FA2H: variants seen among roughly 807,000 people sequenced by gnomAD.
The protein encoded by FA2H is fatty acid 2-hydroxylase.
FA2H carries 22 observed loss-of-function variants against 44.9 expected under a neutral mutation model. The ratio of observed to expected loss-of-function variants is 0.49; its 90% CI spans 0.35 to 0.70. FA2H has a LOEUF of 0.70. Ranked by LOEUF, FA2H falls within the 30% of genes least tolerant of loss-of-function variation. The pLI, the probability that FA2H is intolerant of heterozygous loss-of-function variation, is 0.01. For synonymous variants in FA2H, 243 were observed against 213.2 expected (o/e 1.14, Z -1.22); for missense variants, 501 against 504.9 (o/e 0.99, Z 0.07).
At chr16:74,743,778 G>A (rs1419060163) in intron 1 of FA2H, among the ~76,000 whole-genome samples, 1 of 152,134 alleles carries the variant, frequency 6.6e-6, no homozygotes, top group Non-Finnish European at 1.5e-5. Context: ...GTGCTTTCCT[G>A]GGTGGCTTCA....
intron 2 of FA2H, among the ~76,000 whole-genome samples, chr16:74,730,235 G>A (rs1334677144): frequency 6.6e-6 from 1 of 152,124 alleles, no homozygotes; most frequent in Non-Finnish European, 1.5e-5. Context: ...CCAGGGTGAA[G>A]GGCCCAAAGG....
chr16:74,745,871 T>C (rs1236399859), intron 1 of FA2H, among the ~76,000 whole-genome samples: 1 of 146,194 alleles, frequency 6.8e-6, no homozygotes, highest in Non-Finnish European at 1.5e-5. Flanking sequence ...AGTGGCACCA[T>C]CTTGTCTCAC....
intron 1 of FA2H, among the ~76,000 whole-genome samples, chr16:74,771,952 CT>C (rs58570521): frequency 0.11 from 16,090 of 141,598 alleles, 998 homozygotes; most frequent in African/African-American, 0.19. Context: ...CCCTGGCTTC[CT>C]TTTTTTTTTT....
chr16:74,745,830 G>C (rs960412063), intron 1 of FA2H, among the ~76,000 whole-genome samples: 1 of 125,740 alleles, frequency 8.0e-6, no homozygotes, highest in Admixed American at 9.5e-5. Context: ...TTTTGAGACA[G>C]AGTCTTGCTC....
At chr16:74,770,566 T>C (rs1332726385) in intron 1 of FA2H, among the ~76,000 whole-genome samples, 4 of 152,270 alleles carry the variant, frequency 2.6e-5, no homozygotes, top group Non-Finnish European at 5.9e-5. Flanking sequence ...AGACGGGGTT[T>C]CACCATGTTG....
intron 1 of FA2H, among the ~76,000 whole-genome samples, chr16:74,753,147 A>T (rs1343008331): frequency 6.6e-6 from 1 of 152,214 alleles, no homozygotes; most frequent in Non-Finnish European, 1.5e-5. Flanking sequence ...GCCACACAGA[A>T]TCCTGCAGGG....
chr16:74,771,390 C>CCA (rs1962903449), intron 1 of FA2H, among the ~76,000 whole-genome samples: 1 of 151,750 alleles, frequency 6.6e-6, no homozygotes, highest in South Asian at 2.1e-4. Context: ...AAGATTTTAC[C>CCA]GTGTTGCCCA....
Position 74,742,407 on chromosome 16 carries a change from A to T in FA2H, c.271-2292T>A, listed in dbSNP as rs1380668345. Among the ~76,000 whole-genome samples, 3 of 152,230 alleles carry T rather than the reference A, an allele frequency of 2.0e-5. No homozygotes were observed. In the East Asian group the frequency reaches 5.8e-4, roughly 29 times the overall value. On this transcript the variant is annotated intron_variant, in intron 1 of 6. Transcript: ENST00000219368. ...GGCTGGATAGGACAGTGCCCAGATA[A>T]AAGGATCAAAACTCCAACAACCTAG... is the stretch of plus-strand genomic sequence containing the variant.
At chr16:74,744,455 T>C (rs1334050265) in intron 1 of FA2H, among the ~76,000 whole-genome samples, 1 of 150,450 alleles carries the variant, frequency 6.6e-6, no homozygotes, top group Non-Finnish European at 1.5e-5. Flanking sequence ...GATGCCTTTT[T>C]TTTTTTTTTT....
chr16:74,763,459 T>C (rs1169883959), intron 1 of FA2H, among the ~76,000 whole-genome samples: 1 of 152,188 alleles, frequency 6.6e-6, no homozygotes, highest in African/African-American at 2.4e-5. Context: ...GGTCTCACCA[T>C]GTTGGCCAGG....
intron 5 of FA2H, 28 bp downstream of exon 5, chr16:74,718,960 G>A: frequency 1.2e-6 from 2 of 1,611,666 alleles, no homozygotes; most frequent in Non-Finnish European, 8.5e-7. Flanking sequence ...CACATGCTAG[G>A]TCCGGGCTGG....
chr16:74,725,878 T>A (rs1267192225), intron 4 of FA2H: 1 of 357,562 alleles, frequency 2.8e-6, no homozygotes, highest in Non-Finnish European at 5.5e-6. Context: ...CCCGATGAAG[T>A]GATTTCATTT....
chr16:74,753,225 T>C (rs912948204), intron 1 of FA2H, among the ~76,000 whole-genome samples: 1 of 152,194 alleles, frequency 6.6e-6, no homozygotes, highest in African/African-American at 2.4e-5. Flanking sequence ...CACCGCCAGT[T>C]AGATACAGAG....
chr16:74,738,180 GAC>G (rs997566204), intron 2 of FA2H, among the ~76,000 whole-genome samples: 1 of 152,138 alleles, frequency 6.6e-6, no homozygotes, highest in African/African-American at 2.4e-5. Context: ...TCAGCCCAGA[GAC>G]ACAGGAGGAA....
chr16:74,773,226 G>A (rs1199824233), intron 1 of FA2H, among the ~76,000 whole-genome samples: 3 of 152,088 alleles, frequency 2.0e-5, no homozygotes, highest in African/African-American at 7.2e-5. Context: ...AGTACTATAA[G>A]ATGTTTTGAG....
At chr16:74,761,869 A>G (rs1962718433) in intron 1 of FA2H, among the ~76,000 whole-genome samples, 1 of 152,242 alleles carries the variant, frequency 6.6e-6, no homozygotes, top group Non-Finnish European at 1.5e-5. Context: ...CCAAATAAGG[A>G]GGCCAGTATT....
chr16:74,714,432 G>A (rs954841939), intron 6 of FA2H, among the ~76,000 whole-genome samples, 163 bp from the exon 7 acceptor site: 2 of 152,132 alleles, frequency 1.3e-5, no homozygotes, highest in African/African-American at 4.8e-5. Flanking sequence ...GTCAAGGGTG[G>A]GGAACCTGTG....
rs1420172643 is a variant in FA2H at position 74,759,591 on chromosome 16, G to A, written c.270+14895C>T. On this transcript the variant is annotated intron_variant, in intron 1 of 6. Transcript: ENST00000219368. ...TTTCTAAACAAGAGAAACCTAGATA[G>A]AAGGAGCATTTAAAATTCCCTTACT... is the stretch of plus-strand genomic sequence containing the variant. 2.0e-5 allele frequency among the ~76,000 whole-genome samples: 3 copies of A among 152,220 alleles called. No homozygotes were observed. The South Asian group carries it at 6.2e-4, about 31-fold the overall frequency.
chr16:74,734,732 T>A (rs553634869), intron 2 of FA2H, among the ~76,000 whole-genome samples: 87 of 152,282 alleles, frequency 5.7e-4, no homozygotes, highest in African/African-American at 2.0e-3. Flanking sequence ...CCAGGTGGCA[T>A]AGGACGCTTT....
Sources: allele counts gnomAD v4.1 joint callset (sites outside exome capture counted in the v4.1 genomes callset), GRCh38; gene constraint gnomAD v4.1.1; transcripts MANE v1.5; gene names NCBI Gene and HGNC (gene_info 2026-07-23, HGNC 2026-07-21).